The following TEX9 variants were observed in gnomAD, a reference collection of about 807,000 sequenced individuals.
TEX9 encodes testis-expressed protein 9.
TEX9 carries 74 observed loss-of-function variants against 59.6 expected under a neutral mutation model. That is an observed-to-expected ratio of 1.24 (90% CI 1.03 to 1.51). The LOEUF (loss-of-function observed/expected upper bound fraction) is 1.51, where lower values mean the gene tolerates loss of function less well. TEX9 is among the 40% of genes most tolerant of loss of function. The probability of loss-of-function intolerance (pLI) is 0.00; values close to 1 mark genes in which losing one functional copy is unlikely to be tolerated. For missense variants in TEX9, 522 were observed against 447.8 expected (o/e 1.17, Z -1.49); for synonymous variants, 186 against 152.2 (o/e 1.22, Z -1.64).
At chr15:56,303,703 C>T (rs569640053) in intron 1 of TEX9, among the ~76,000 whole-genome samples, 52 of 151,800 alleles carry the variant, frequency 3.4e-4, no homozygotes, top group African/African-American at 1.3e-3. Context: ...AAGGACAATA[C>T]AAAAGATCAA....
chr15:56,376,084 G>C (rs187774479), intron 3 of TEX9, among the ~76,000 whole-genome samples: 1 of 128,104 alleles, frequency 7.8e-6, no homozygotes, highest in Admixed American at 8.3e-5. Context: ...GGTCGGGGGA[G>C]GGGGGAGGGA....
At chr15:56,423,680 C>T (rs1395090783) in intron 10 of TEX9, among the ~76,000 whole-genome samples, 2 of 152,018 alleles carry the variant, frequency 1.3e-5, no homozygotes, top group African/African-American at 4.8e-5. Context: ...CTCTATATTC[C>T]CCCAACACCC....
chr15:56,363,075 ATG>A (rs1440567034), upstream of TEX9, among the ~76,000 whole-genome samples: 3 of 151,962 alleles, frequency 2.0e-5, no homozygotes, highest in African/African-American at 7.3e-5. Context: ...TATACTTTTC[ATG>A]TGGGTGTGTT....
chr15:56,263,383 C>T (rs1296664499), intron 1 of TEX9, among the ~76,000 whole-genome samples: 2 of 152,058 alleles, frequency 1.3e-5, no homozygotes, highest in Admixed American at 1.3e-4. Context: ...TGTGCTTAGT[C>T]CGTTCATACT....
chr15:56,428,527 C>A, intron 12 of TEX9: 1 of 915,796 alleles, frequency 1.1e-6, no homozygotes, highest in Non-Finnish European at 1.7e-6. Context: ...TATTTTTATT[C>A]TTCATAAGTA....
chr15:56,263,669 A>G (rs1482315038), intron 1 of TEX9, among the ~76,000 whole-genome samples: 2 of 152,152 alleles, frequency 1.3e-5, no homozygotes, highest in Admixed American at 6.5e-5. Context: ...GAGCAGTTCC[A>G]TCATTCCCCC....
chr15:56,304,509 T>C (rs1312161086), intron 1 of TEX9, among the ~76,000 whole-genome samples: 1 of 152,254 alleles, frequency 6.6e-6, no homozygotes, highest in Non-Finnish European at 1.5e-5. Flanking sequence ...TATATGGTTT[T>C]TGTCCTTCAT....
chr15:56,445,932 G>A (rs1159361530), downstream of TEX9: 2 of 152,026 alleles, frequency 1.3e-5, no homozygotes, highest in African/African-American at 4.8e-5. Flanking sequence ...ATATGGCTTA[G>A]CAAATGAAGT....
chr15:56,387,697 G>A (rs1323330645), intron 4 of TEX9, among the ~76,000 whole-genome samples: 1 of 151,838 alleles, frequency 6.6e-6, no homozygotes, highest in Non-Finnish European at 1.5e-5. Flanking sequence ...CAATGGGTTA[G>A]GCAAACTTTT....
At position 56,388,461 on chromosome 15, in the gene TEX9, TTGGCC is replaced by T; in HGVS notation, c.264-8_264-4del. On this transcript the variant is annotated splice_region_variant and splice_polypyrimidine_tract_variant and intron_variant, in intron 4 of 12. Coordinates refer to ENST00000352903, the Ensembl canonical transcript of TEX9. The stretch of plus-strand genomic sequence containing the variant: ...TATTATTAATGTATAATGTTTATTT[TTGGCC>T]TGTAGAGGTCTGTTACCATCTGAAG... 1 of 1,604,820 alleles carries T rather than the reference TTGGCC, an allele frequency of 6.2e-7. No individual in the cohort carries two copies. The highest frequency in any genetic ancestry group is 8.5e-7 in the Non-Finnish European group (1 of 1,172,912).
intron 9 of TEX9, chr15:56,395,645 C>T (rs1422507332): frequency 6.6e-6 from 1 of 152,114 alleles, no homozygotes; most frequent in Non-Finnish European, 1.5e-5. Context: ...GCTAGATTAT[C>T]TTTTTGATTA....
intron 6 of TEX9, among the ~76,000 whole-genome samples, chr15:56,390,528 A>G (rs1162359894): frequency 1.3e-5 from 2 of 152,056 alleles, no homozygotes; most frequent in Non-Finnish European, 2.9e-5. Flanking sequence ...ATGTTTTAAA[A>G]GTGAACTTGG....
chr15:56,428,780 G>A (rs529801792), intron 12 of TEX9: 5 of 349,556 alleles, frequency 1.4e-5, no homozygotes, highest in Admixed American at 4.4e-5. Flanking sequence ...AGTAAAGTTC[G>A]TAAACACAGA....
chr15:56,350,219 C>A (rs544738854), intron 1 of TEX9, among the ~76,000 whole-genome samples: 1 of 152,132 alleles, frequency 6.6e-6, no homozygotes, highest in African/African-American at 2.4e-5. Context: ...AATATTATTT[C>A]TGTATTAATA....
chr15:56,389,138 T>G (rs1451678622), intron 5 of TEX9, among the ~76,000 whole-genome samples, 180 bp from the exon 6 acceptor site: 1 of 152,072 alleles, frequency 6.6e-6, no homozygotes, highest in African/African-American at 2.4e-5. Flanking sequence ...GGTTTTGGTG[T>G]TATCTAGGTC....
chr15:56,439,276 ATAAAG>A (rs2050779913), intron 12 of TEX9, among the ~76,000 whole-genome samples: 2 of 152,160 alleles, frequency 1.3e-5, no homozygotes, highest in African/African-American at 4.8e-5. Flanking sequence ...AAAGATCTAA[ATAAAG>A]GGAGAGCCAA....
At chr15:56,293,572 T>A (rs1239650521) in intron 1 of TEX9, among the ~76,000 whole-genome samples, 11 of 152,152 alleles carry the variant, frequency 7.2e-5, no homozygotes, top group African/African-American at 2.7e-4. Flanking sequence ...GGGGTGTAGT[T>A]TGGCCACCAC....
intron 2 of TEX9, among the ~76,000 whole-genome samples, chr15:56,373,092 G>C (rs1369302910): frequency 1.3e-5 from 2 of 152,172 alleles, no homozygotes; most frequent in African/African-American, 4.8e-5. Flanking sequence ...AGCAAGGTTA[G>C]AATTTGCATT....
chr15:56,384,373 A>G (rs2047870768), intron 4 of TEX9, among the ~76,000 whole-genome samples: 1 of 152,182 alleles, frequency 6.6e-6, no homozygotes, highest in Non-Finnish European at 1.5e-5. Context: ...GGCTATGAAC[A>G]GAAGTTTAGT....
Sources: gnomAD v4.1 joint callset for allele counts (sites outside exome capture counted in the v4.1 genomes callset) on GRCh38, gnomAD v4.1.1 for gene constraint, MANE v1.5 for transcripts, NCBI Gene and HGNC (gene_info 2026-07-23, HGNC 2026-07-21) for gene names.